Variants in ZFP64 observed in about 807,000 individuals in gnomAD.
The protein encoded by ZFP64 is ZFP64 zinc finger protein.
Under a neutral mutation model 51.6 loss-of-function variants are expected in ZFP64, and 14 were observed. That is an observed-to-expected ratio of 0.27 (90% CI 0.18 to 0.42). ZFP64 has a LOEUF of 0.42. Among genes scored for constraint, ZFP64 ranks in the 10% least tolerant of loss-of-function variants. The pLI is 1.00. For missense variants in ZFP64, 754 were observed against 906.8 expected, an observed-to-expected ratio of 0.83 and a Z score of 2.16; for synonymous variants, 375 against 361.4, an observed-to-expected ratio of 1.04 and a Z score of -0.43.
At chr20:52,126,940 T>C (rs2122868702) in intron 5 of ZFP64, among the ~76,000 whole-genome samples, 1 of 150,646 alleles carries the variant, frequency 6.6e-6, no homozygotes, top group East Asian at 2.0e-4. Context: ...GGAAGTGATA[T>C]GGTTAGGCTT....
rs1340535806 is a variant in ZFP64 at position 52,153,761 on chromosome 20, T to C, written c.764-333A>G. Reference sequence around the variant, plus strand: ...TCTTTCATACAGTTAATTTGCCCACTCTGCTAGTTAATGGTTCACAGTTGA... The same window carrying C: ...TCTTTCATACAGTTAATTTGCCCACCCTGCTAGTTAATGGTTCACAGTTGA... On this transcript the variant is annotated intron_variant, in intron 5 of 5. Coordinates refer to ENST00000216923, the MANE Select transcript of ZFP64 (RefSeq NM_018197.3). This position sits in a 1 kb window ranked among gnomAD's most constrained non-coding sequence, Gnocchi z 5.1. Among the ~76,000 whole-genome samples, 2 of 152,248 alleles carry C rather than the reference T, an allele frequency of 1.3e-5. No individual in the cohort carries two copies. Among genetic ancestry groups the C allele is most frequent in the Non-Finnish European group, 2.9e-5 (2 of 68,040 alleles).
At chr20:52,105,705 G>T (rs1978309359) in intron 5 of ZFP64, 1 of 152,118 alleles carries the variant, frequency 6.6e-6, no homozygotes, top group African/African-American at 2.4e-5. Context: ...TGCAGATTCT[G>T]ACTCAGTGGG....
At chr20:52,098,518 G>A (rs1276233750) in exon 6 of ZFP64, 10 of 1,614,172 alleles carry the variant, frequency 6.2e-6, no homozygotes, top group South Asian at 3.3e-5. Flanking sequence ...GATGACAGGG[G>A]CCTTCGGAGT....
At chr20:52,090,832 T>C (rs1273251724) in intron 7 of ZFP64, among the ~76,000 whole-genome samples, 2 of 126,658 alleles carry the variant, frequency 1.6e-5, no homozygotes, top group African/African-American at 6.3e-5. Flanking sequence ...TTGGGCACAA[T>C]GGCTCACATC....
intron 1 of ZFP64, among the ~76,000 whole-genome samples, chr20:52,187,706 T>C (rs1287154912): frequency 1.3e-5 from 2 of 152,112 alleles, no homozygotes; most frequent in Non-Finnish European, 2.9e-5. Context: ...TCTTGTATTA[T>C]TTAACTTGGG....
intron 7 of ZFP64, chr20:52,089,000 C>A: frequency 1.9e-6 from 1 of 527,366 alleles, no homozygotes; most frequent in Non-Finnish European, 3.8e-6. Context: ...CAGGTGGACC[C>A]CTTCCTCTCA....
intron 5 of ZFP64, among the ~76,000 whole-genome samples, chr20:52,117,338 G>A (rs541395526): frequency 5.9e-5 from 9 of 152,260 alleles, no homozygotes; most frequent in African/African-American, 2.2e-4. Flanking sequence ...CCCCAGGTGA[G>A]CTGGGCATGG....
chr20:52,098,755 G>A (rs549822020), intron 5 of ZFP64, among the ~76,000 whole-genome samples: 1 of 152,138 alleles, frequency 6.6e-6, no homozygotes, highest in East Asian at 1.9e-4. Context: ...TGTAATCCCA[G>A]CACTTTGGGA....
intron 5 of ZFP64, among the ~76,000 whole-genome samples, chr20:52,102,107 C>CCAAAAAAAAA (rs551838560): frequency 2.0e-4 from 13 of 63,436 alleles, no homozygotes; most frequent in African/African-American, 8.8e-4. Context: ...ACTCCATCTC[C>CCAAAAAAAAA]AAAAAAAAAA....
At chr20:52,109,780 C>CAAAAAA (rs779914417) in intron 5 of ZFP64, among the ~76,000 whole-genome samples, 2 of 46,112 alleles carry the variant, frequency 4.3e-5, no homozygotes, top group Non-Finnish European at 9.1e-5. Flanking sequence ...AATTCCACCT[C>CAAAAAA]AAAAAAAAAA....
At chr20:52,140,822 G>T (rs1024212594) in intron 5 of ZFP64, among the ~76,000 whole-genome samples, 1 of 152,144 alleles carries the variant, frequency 6.6e-6, no homozygotes, top group East Asian at 1.9e-4. Flanking sequence ...TACCATCTAG[G>T]ATGTTCATAG....
At chr20:52,090,603 A>G (rs912113853) in intron 7 of ZFP64, among the ~76,000 whole-genome samples, 4 of 152,064 alleles carry the variant, frequency 2.6e-5, no homozygotes, top group Non-Finnish European at 4.4e-5. Context: ...GTTCGAGACC[A>G]GCCTGGCCAA....
At chr20:52,164,607 T>A in intron 4 of ZFP64, 88 bp downstream of exon 4, 1 of 1,084,710 alleles carries the variant, frequency 9.2e-7, no homozygotes, top group Non-Finnish European at 1.4e-6. Context: ...ACGTTTGGAG[T>A]GGTATCATTC....
intron 2 of ZFP64, among the ~76,000 whole-genome samples, chr20:52,168,395 G>A (rs1486389578): frequency 1.3e-5 from 2 of 152,062 alleles, no homozygotes; most frequent in Non-Finnish European, 2.9e-5. Flanking sequence ...GGTTTCTCTC[G>A]CTCTGCTTGG....
exon 8 of ZFP64, chr20:52,088,507 A>G (rs891104890): frequency 3.7e-6 from 6 of 1,614,066 alleles, no homozygotes; most frequent in Non-Finnish European, 3.4e-6. Flanking sequence ...TCTTGAGGCT[A>G]CTGCTGTCCA....
chr20:52,163,053 T>C (rs1788845656), intron 4 of ZFP64, among the ~76,000 whole-genome samples: 1 of 152,156 alleles, frequency 6.6e-6, no homozygotes, highest in African/African-American at 2.4e-5. Flanking sequence ...ACGCTTTCTC[T>C]ATCATCATTA....
At chr20:52,175,637 G>A (rs1983130540) in intron 2 of ZFP64, among the ~76,000 whole-genome samples, 1 of 152,168 alleles carries the variant, frequency 6.6e-6, no homozygotes, top group African/African-American at 2.4e-5. Context: ...TTGAGGCCAG[G>A]AGTTTGAGAC....
At position 52,152,793 on chromosome 20, in the gene ZFP64, G is replaced by T; in HGVS notation, c.1399C>A (p.Pro467Thr). The T allele has an allele frequency of 6.2e-7, 1 of 1,609,466 alleles. No individual in the cohort carries two copies. The highest frequency in any genetic ancestry group is 8.5e-7 in the Non-Finnish European group (1 of 1,176,394). ...AGGGGCGTGGCGGGCTGCTTGCTGGGGTCGATCTGAAACTGGAGAACGGTC... is the reference window on the plus strand; with the variant it reads ...AGGGGCGTGGCGGGCTGCTTGCTGGTGTCGATCTGAAACTGGAGAACGGTC... Reference protein sequence around the residue: ...DVTVLQFQIDPSKQPATPLTV... With the variant: ...DVTVLQFQIDTSKQPATPLTV... The change falls in exon 6 of 6, where the codon CCC (proline) becomes ACC (threonine). Residue 467 changes from proline to threonine, a missense_variant. Physicochemically the swap from Pro to Thr is conservative, Grantham distance 38. Around this residue, in one of 3 missense-constraint regions of ZFP64, gnomAD observed 428 missense variants for 472.4 expected, o/e 0.91. Coordinates refer to ENST00000216923, the MANE Select transcript of ZFP64 (RefSeq NM_018197.3).
chr20:52,095,702 C>T lies in ZFP64; in HGVS notation c.976+1671G>A, dbSNP rs1445661703. ...TATCTTTTATGTCCTGGATCCCCAG[C>T]ATGCTCTGCGGTACCTCAAGAAAAC... On this transcript the variant is annotated intron_variant, in intron 7 of 8. Transcript: ENST00000361387. Among the ~76,000 whole-genome samples, 3 of 152,210 alleles carry T rather than the reference C, an allele frequency of 2.0e-5. No homozygotes were observed. The East Asian group carries it at 5.8e-4, about 29-fold the overall frequency.
Sources: gnomAD v4.1 joint callset for allele counts (sites outside exome capture counted in the v4.1 genomes callset) on GRCh38, gnomAD v4.1.1 for gene constraint, gnomAD v4.1.1 regional missense constraint, Gnocchi (gnomAD v3.1) non-coding constraint, MANE v1.5 for transcripts, NCBI Gene and HGNC (gene_info 2026-07-23, HGNC 2026-07-21) for gene names.